The following PCDHGA4 variants were observed in gnomAD, a reference collection of about 807,000 sequenced individuals.
PCDHGA4 encodes protocadherin gamma-A4.
Under a neutral mutation model 54.6 loss-of-function variants are expected in PCDHGA4, and 38 were observed. That is an observed-to-expected ratio of 0.70 (90% CI 0.54 to 0.91). The LOEUF is 0.91. Among genes scored for constraint, PCDHGA4 ranks in the 40% least tolerant of loss-of-function variants. The pLI is 0.00. For missense variants in PCDHGA4, 1,298 were observed against 1,220.9 expected (o/e 1.06, Z -0.94); for synonymous variants, 511 against 512.9 (o/e 1.00, Z 0.05).
intron 1 of PCDHGA4, chr5:141,360,493 G>C: frequency 6.2e-7 from 1 of 1,613,892 alleles, no homozygotes; most frequent in Non-Finnish European, 8.5e-7. Flanking sequence ...TTTCTACATA[G>C]CAGTAATTGT....
intron 1 of PCDHGA4, among the ~76,000 whole-genome samples, chr5:141,449,331 G>T (rs1054980032): frequency 3.3e-5 from 5 of 151,950 alleles, no homozygotes; most frequent in Admixed American, 3.3e-4. Flanking sequence ...TGTAGGCCAG[G>T]TGCAGTGGCT....
chr5:141,436,600 G>C (rs1054182433), intron 1 of PCDHGA4, among the ~76,000 whole-genome samples: 2 of 152,154 alleles, frequency 1.3e-5, no homozygotes, highest in African/African-American at 2.4e-5. Context: ...CGTGGTGATG[G>C]CTAGGGCTAA....
intron 1 of PCDHGA4, chr5:141,398,909 T>A: frequency 6.2e-7 from 1 of 1,613,984 alleles, no homozygotes; most frequent in Non-Finnish European, 8.5e-7. Context: ...GGCACCACTG[T>A]GTTGCAAGTG....
In PCDHGA4 at chr5:141,489,183, G is replaced by A. The variant is rs2099683673; in HGVS notation, c.2515-5624G>A. 7.9e-7 allele frequency: 1 copy of A among 1,270,400 alleles called. No individual in the cohort carries two copies. Among genetic ancestry groups the A allele is most frequent in the Non-Finnish European group, 1.1e-6 (1 of 913,958 alleles). The allele number at this position is 1,270,400 out of a possible 1,614,324, so 78.7% of individuals were successfully genotyped here. A position where few individuals can be genotyped will look rare whatever the true frequency, so the allele number is the denominator to read the frequency against. ...TTCAGCTGCTGCATTCCAAGCCCTGGGTCTACCTTGGAGACAGGACAGCAC... is the reference window on the plus strand; with the variant it reads ...TTCAGCTGCTGCATTCCAAGCCCTGAGTCTACCTTGGAGACAGGACAGCAC... On this transcript the variant is annotated intron_variant, in intron 1 of 3. Transcript: ENST00000571252. The surrounding 1 kb of genome is among the most constrained non-coding windows in gnomAD (Gnocchi z 4.5).
chr5:141,471,046 CTTTTT>C (rs1170588345), intron 1 of PCDHGA4, among the ~76,000 whole-genome samples: 2 of 113,276 alleles, frequency 1.8e-5, no homozygotes, highest in Non-Finnish European at 3.6e-5. Context: ...CCCAAGCCCT[CTTTTT>C]TTTTTTTTTT....
intron 1 of PCDHGA4, among the ~76,000 whole-genome samples, chr5:141,453,217 G>A (rs770914741): frequency 1.2e-4 from 19 of 152,100 alleles, no homozygotes; most frequent in Admixed American, 1.0e-3. Context: ...GCACTTAAGC[G>A]ATCCTCCCAC....
intron 1 of PCDHGA4, among the ~76,000 whole-genome samples, chr5:141,444,150 GGAT>G (rs2098419400): frequency 8.8e-6 from 1 of 114,014 alleles, no homozygotes; most frequent in African/African-American, 3.4e-5. Context: ...TGTGTGTACT[GGAT>G]TTTTTTTTTT....
In PCDHGA4 at chr5:141,399,542, C is replaced by T. The variant is rs761214012; in HGVS notation, c.2514+41921C>T. The T allele has an allele frequency of 5.6e-6, 9 of 1,614,046 alleles. No homozygotes were observed. The South Asian group carries it at 8.8e-5, about 16-fold the overall frequency. On this transcript the variant is annotated intron_variant, in intron 1 of 3. Transcript: ENST00000571252. ...GGGGCCTCCATCGCGCAAGTCTGCGCCTCGGACCTGGACTTGGGGTTGAAC... is the reference window on the plus strand; with the variant it reads ...GGGGCCTCCATCGCGCAAGTCTGCGTCTCGGACCTGGACTTGGGGTTGAAC...
chr5:141,491,980 C>A lies in PCDHGA4; in HGVS notation c.2515-2827C>A. On this transcript the variant is annotated intron_variant, in intron 1 of 3. Coordinates refer to ENST00000571252, the MANE Select transcript of PCDHGA4 (RefSeq NM_018917.4). This position sits in a 1 kb window ranked among gnomAD's most constrained non-coding sequence, Gnocchi z 6.9. ...AAAAAAGGCCGGGGCCTCCTTCGAGCTTCCGGTGAATTTCGGGCGATTTCC... is the reference window on the plus strand; with the variant it reads ...AAAAAAGGCCGGGGCCTCCTTCGAGATTCCGGTGAATTTCGGGCGATTTCC... 1.3e-6 allele frequency: 1 copy of A among 784,426 alleles called. No homozygotes were observed. Among genetic ancestry groups the A allele is most frequent in the Non-Finnish European group, 1.9e-6 (1 of 530,582 alleles). The allele number at this position is 784,426 out of a possible 1,614,324, so 48.6% of individuals were successfully genotyped here.
At chr5:141,403,010 C>G in intron 1 of PCDHGA4, 1 of 1,614,058 alleles carries the variant, frequency 6.2e-7, no homozygotes, top group Non-Finnish European at 8.5e-7. Flanking sequence ...ATGCTCGCTC[C>G]TGGGGATGCT....
chr5:141,463,364 T>C (rs1166107031), intron 1 of PCDHGA4, among the ~76,000 whole-genome samples: 2 of 150,250 alleles, frequency 1.3e-5, no homozygotes, highest in Admixed American at 6.6e-5. Context: ...TCCCCTTTCC[T>C]GCCCCACAGT....
In PCDHGA4 at chr5:141,375,919, C is replaced by A. The variant is rs746123042; in HGVS notation, c.2514+18298C>A. Reference sequence around the variant, plus strand: ...TGTCCTACCGCCTGCTCAAGGCCAGCGAGCCAGGACTTTTCTCAGTGGGCC... The same window carrying A: ...TGTCCTACCGCCTGCTCAAGGCCAGAGAGCCAGGACTTTTCTCAGTGGGCC... On this transcript the variant is annotated intron_variant, in intron 1 of 3. Coordinates refer to ENST00000571252, the MANE Select transcript of PCDHGA4 (RefSeq NM_018917.4). 2.5e-5 allele frequency: 40 copies of A among 1,613,612 alleles called. No homozygotes were observed. In the Middle Eastern group the frequency reaches 8.4e-4, roughly 34 times the overall value.
chr5:141,364,942 A>G (rs768570129), intron 1 of PCDHGA4: 1 of 1,613,802 alleles, frequency 6.2e-7, no homozygotes, highest in East Asian at 2.2e-5. Context: ...ACCGCGAGAA[A>G]GAGACTGTTC....
intron 1 of PCDHGA4, among the ~76,000 whole-genome samples, chr5:141,454,658 G>T (rs961640658): frequency 1.3e-5 from 2 of 151,812 alleles, no homozygotes; most frequent in Non-Finnish European, 2.9e-5. Flanking sequence ...TGCCCACCTC[G>T]GCCTCCCAAA....
rs902072815 is a variant in PCDHGA4, at chr5:141,495,024, C to A, written c.2573+159C>A. On this transcript the variant is annotated intron_variant, in intron 2 of 3. Coordinates refer to ENST00000571252, the MANE Select transcript of PCDHGA4 (RefSeq NM_018917.4). ...GGTGTGCGGGGGGCTGGCACACAGACCCCGGAAGGAAGAGGCGACTGCCCT... is the reference window on the plus strand; with the variant it reads ...GGTGTGCGGGGGGCTGGCACACAGAACCCGGAAGGAAGAGGCGACTGCCCT... The A allele has an allele frequency of 1.6e-5, 16 of 973,368 alleles. No homozygotes were observed. In the South Asian group the frequency reaches 5.7e-4, roughly 35 times the overall value. The allele number at this position is 973,368 out of a possible 1,614,324, so 60.3% of individuals were successfully genotyped here. A position where few individuals can be genotyped will look rare whatever the true frequency, so the allele number is the denominator to read the frequency against.
chr5:141,366,642 C>T, intron 1 of PCDHGA4: 2 of 1,614,238 alleles, frequency 1.2e-6, no homozygotes, highest in Non-Finnish European at 1.7e-6. Flanking sequence ...CTGATCTTTC[C>T]CCAGCCCAAC....
intron 1 of PCDHGA4, chr5:141,374,263 G>A: frequency 6.2e-7 from 1 of 1,614,016 alleles, no homozygotes; most frequent in Non-Finnish European, 8.5e-7. Flanking sequence ...AGGAGTTGGC[G>A]GAGCACGGAG....
chr5:141,486,659 G>A lies in PCDHGA4; in HGVS notation c.2515-8148G>A, dbSNP rs758578821. The stretch of plus-strand genomic sequence containing the variant: ...TGCGCTTATCTCCTACTCACTCCTG[G>A]AGCCCAGGAATCGAGATGTATCAGC... On this transcript the variant is annotated intron_variant, in intron 1 of 3. Transcript: ENST00000571252. This position sits in a 1 kb window ranked among gnomAD's most constrained non-coding sequence, Gnocchi z 5.0. 5.0e-6 allele frequency: 8 copies of A among 1,613,944 alleles called. No homozygotes were observed. Among genetic ancestry groups the A allele is most frequent in the Middle Eastern group, 1.6e-4 (1 of 6,062 alleles).
At chr5:141,473,272 A>G (rs2099318396) in intron 1 of PCDHGA4, among the ~76,000 whole-genome samples, 1 of 152,182 alleles carries the variant, frequency 6.6e-6, no homozygotes, top group African/African-American at 2.4e-5. Flanking sequence ...GTATGCTATG[A>G]TTATTTTACT....
Sources: gnomAD v4.1 joint callset for allele counts (sites outside exome capture counted in the v4.1 genomes callset) on GRCh38, gnomAD v4.1.1 for gene constraint, Gnocchi (gnomAD v3.1) non-coding constraint, MANE v1.5 for transcripts, NCBI Gene and HGNC (gene_info 2026-07-23, HGNC 2026-07-21) for gene names.